The following RAD51B variants were observed in gnomAD, a reference collection of about 807,000 sequenced individuals.
The protein encoded by RAD51B is DNA repair protein RAD51 homolog 2.
In RAD51B, 38 loss-of-function variants were observed where a neutral mutation model predicts 42.2. That is an observed-to-expected ratio of 0.90 (90% CI 0.70 to 1.18). RAD51B has a LOEUF of 1.18. Ranked by LOEUF, RAD51B falls within the 50% of genes most tolerant of loss-of-function variation. The pLI, the probability that RAD51B is intolerant of heterozygous loss-of-function variation, is 0.00. For synonymous variants in RAD51B, 154 were observed against 145.2 expected (o/e 1.06, Z -0.43); for missense variants, 373 against 400.7 (o/e 0.93, Z 0.59).
Position 68,538,599 on chromosome 14 carries a change from G to A in RAD51B, c.1037-55886G>A, listed in dbSNP as rs569795830. ...AATGTTAGGGGTGGGCTTGCAGAAC[G>A]CCAACATAGTTTGTTTGGCTAGCAC... On this transcript the variant is annotated intron_variant, in intron 10 of 10. Transcript: ENST00000487270. Among the ~76,000 whole-genome samples the A allele has an allele frequency of 2.6e-5, 4 of 151,290 alleles. 1 individual carries two copies. Among genetic ancestry groups the A allele is most frequent in the Non-Finnish European group, 5.9e-5 (4 of 67,936 alleles).
intron 10 of RAD51B, chr14:68,540,530 C>G: frequency 1.0e-6 from 1 of 985,296 alleles, no homozygotes; most frequent in Non-Finnish European, 1.2e-6. Flanking sequence ...ACATGTACTA[C>G]TAGTGGGATC....
At chr14:67,967,816 G>T (rs985114625) in intron 7 of RAD51B, among the ~76,000 whole-genome samples, 2 of 152,166 alleles carry the variant, frequency 1.3e-5, no homozygotes, top group African/African-American at 4.8e-5. Context: ...CCATTCTAGG[G>T]TCTGGAGGAT....
At chr14:68,476,875 C>T (rs1341899179) in intron 10 of RAD51B, among the ~76,000 whole-genome samples, 3 of 152,240 alleles carry the variant, frequency 2.0e-5, no homozygotes, top group African/African-American at 7.2e-5. Flanking sequence ...ATTGCAGACA[C>T]AGCTCTTTCT....
At chr14:68,424,773 T>A (rs1287853838) in intron 9 of RAD51B, among the ~76,000 whole-genome samples, 1 of 148,814 alleles carries the variant, frequency 6.7e-6, no homozygotes, top group Non-Finnish European at 1.5e-5. Flanking sequence ...GAACCACCTG[T>A]AATCTCTTTT....
chr14:67,981,720 T>A (rs1380354452), intron 7 of RAD51B, among the ~76,000 whole-genome samples: 2 of 152,210 alleles, frequency 1.3e-5, no homozygotes, highest in African/African-American at 2.4e-5. Flanking sequence ...GACTGCGTGC[T>A]GTTTGATTTC....
intron 8 of RAD51B, among the ~76,000 whole-genome samples, chr14:68,337,826 C>T (rs2082488192): frequency 6.6e-6 from 1 of 152,130 alleles, no homozygotes; most frequent in African/African-American, 2.4e-5. Flanking sequence ...GGCTGGAGTG[C>T]AGTGACATGA....
At chr14:67,984,000 G>A (rs534406526) in intron 7 of RAD51B, among the ~76,000 whole-genome samples, 229 of 150,820 alleles carry the variant, frequency 1.5e-3, no homozygotes, top group Middle Eastern at 6.9e-3. Context: ...TTGCAGTGGC[G>A]CGATCTTGGC....
chr14:67,989,635 C>CAAAAAAAA (rs764608072), intron 7 of RAD51B, among the ~76,000 whole-genome samples: 16 of 66,522 alleles, frequency 2.4e-4, no homozygotes, highest in East Asian at 4.4e-4. Flanking sequence ...AACTCTGTCT[C>CAAAAAAAA]AAAAAAAAAA....
At chr14:68,297,267 G>A (rs796114722) in intron 8 of RAD51B, among the ~76,000 whole-genome samples, 1 of 152,160 alleles carries the variant, frequency 6.6e-6, no homozygotes, top group South Asian at 2.1e-4. Context: ...TTTCCAGCTG[G>A]ATCTGCTCTG....
intron 7 of RAD51B, among the ~76,000 whole-genome samples, chr14:68,136,450 T>C (rs61985068): frequency 1.6e-5 from 1 of 63,140 alleles, no homozygotes; most frequent in African/African-American, 3.3e-5. Flanking sequence ...TGGTGGCACA[T>C]GCCTGGAGTC....
chr14:67,974,249 A>C (rs879475267), intron 7 of RAD51B, among the ~76,000 whole-genome samples: 6 of 152,130 alleles, frequency 3.9e-5, no homozygotes, highest in Non-Finnish European at 7.4e-5. Context: ...ATTTTAGGGA[A>C]TTACAATGAA....
intron 9 of RAD51B, among the ~76,000 whole-genome samples, chr14:68,443,254 G>T (rs1295589370): frequency 6.6e-6 from 1 of 152,142 alleles, no homozygotes; most frequent in Non-Finnish European, 1.5e-5. Flanking sequence ...TCTCTTCTTG[G>T]CCAGGGTCTG....
intron 9 of RAD51B, among the ~76,000 whole-genome samples, chr14:68,461,676 A>C (rs750928554): frequency 2.0e-5 from 3 of 152,140 alleles, no homozygotes; most frequent in Admixed American, 2.0e-4. Context: ...CTTTTTTGAG[A>C]GTCTTATATT....
rs141172501 is a variant in RAD51B, at chr14:67,845,309, C to T, written c.315+10113C>T. Among the ~76,000 whole-genome samples the T allele has an allele frequency of 4.0e-3, 613 of 152,268 alleles. 8 individuals carry two copies. The highest frequency in any genetic ancestry group is 0.014 in the African/African-American group (590 of 41,542). ...AAGGCAGGTCTAATGGTAACAAATT[C>T]CCTTAGCATTTGTTTGTCTGAAAAG... On this transcript the variant is annotated intron_variant, in intron 4 of 10. Coordinates refer to ENST00000471583, the MANE Select transcript of RAD51B (RefSeq NM_133510.4).
rs35282642 is a variant in RAD51B, at chr14:67,835,126, T to G, written c.245T>G (p.Phe82Cys). ...AQRSADFSPA[F>C]LSTTLSALDE... ...AGGTCTGCTGATTTCTCACCAGCATTCTTATCTACTACCCTTTCTGCTTTG... is the reference window on the plus strand; with the variant it reads ...AGGTCTGCTGATTTCTCACCAGCATGCTTATCTACTACCCTTTCTGCTTTG... The change falls in exon 4 of 11, where the codon TTC becomes TGC. Residue 82 changes from phenylalanine (F) to cysteine (C), a missense_variant. Phe to Cys is a radical substitution (Grantham distance 205). Coordinates refer to ENST00000471583, the MANE Select transcript of RAD51B (RefSeq NM_133510.4). 2 of 1,614,078 alleles carry G rather than the reference T, an allele frequency of 1.2e-6. No individual in the cohort carries two copies. Among genetic ancestry groups the G allele is most frequent in the Admixed American group, 3.3e-5 (2 of 60,010 alleles).
intron 10 of RAD51B, among the ~76,000 whole-genome samples, chr14:68,650,199 G>A (rs1892672522): frequency 6.6e-6 from 1 of 152,102 alleles, no homozygotes; most frequent in Non-Finnish European, 1.5e-5. Flanking sequence ...GCACCCTCTT[G>A]GACTGGCTTG....
intron 4 of RAD51B, among the ~76,000 whole-genome samples, chr14:67,856,107 T>C (rs2041991457): frequency 6.6e-6 from 1 of 152,244 alleles, no homozygotes; most frequent in Non-Finnish European, 1.5e-5. Flanking sequence ...TACTGTTTGA[T>C]TTTTGTTAAT....
At chr14:68,408,343 G>C (rs3784119) in intron 8 of RAD51B, among the ~76,000 whole-genome samples, 81,236 of 152,058 alleles carry the variant, frequency 0.53, 23,016 homozygotes, top group Admixed American at 0.66. Flanking sequence ...AGATGGAGTA[G>C]ATTTATATGG....
rs149280350 is a variant in RAD51B, at chr14:68,148,654, G to A, written c.757-143230G>A. On this transcript the variant is annotated intron_variant, in intron 7 of 10. Transcript: ENST00000471583. Reference sequence around the variant, plus strand: ...TTCCTGGGCTAGTGATATGTGTTACGATACTCTCTCGTGATACTGTGCAGT... The same window carrying A: ...TTCCTGGGCTAGTGATATGTGTTACAATACTCTCTCGTGATACTGTGCAGT... 4.9e-4 allele frequency among the ~76,000 whole-genome samples: 74 copies of A among 152,254 alleles called. 1 individual carries two copies. In the East Asian group the frequency reaches 9.6e-3, roughly 20 times the overall value.
Sources: allele counts gnomAD v4.1 joint callset (sites outside exome capture counted in the v4.1 genomes callset), GRCh38; gene constraint gnomAD v4.1.1; transcripts MANE v1.5; gene names NCBI Gene and HGNC (gene_info 2026-07-23, HGNC 2026-07-21).